NRXN3: variants seen among roughly 807,000 people sequenced by gnomAD.
NRXN3 encodes neurexin 3.
NRXN3 carries 32 observed loss-of-function variants against 137.6 expected under a neutral mutation model. The ratio of observed to expected loss-of-function variants is 0.23; its 90% CI spans 0.18 to 0.31. The LOEUF is 0.31. NRXN3 is among the 10% of genes least tolerant of loss of function. The pLI is 1.00. For synonymous variants in NRXN3, 798 were observed against 784.5 expected (o/e 1.02, Z -0.29); for missense variants, 1,574 against 2,062.5 (o/e 0.76, Z 4.59).
intron 4 of NRXN3, among the ~76,000 whole-genome samples, chr14:78,625,129 C>T (rs149419303): frequency 0.01 from 1,593 of 152,286 alleles, 32 homozygotes; most frequent in African/African-American, 0.037. Flanking sequence ...CGTGAGCCAC[C>T]GCACCTGGTC....
At chr14:79,259,709 T>TACAC (rs71131688) in intron 15 of NRXN3, among the ~76,000 whole-genome samples, 6,324 of 139,672 alleles carry the variant, frequency 0.045, 141 homozygotes, top group African/African-American at 0.071. Context: ...TATAGTTTTA[T>TACAC]ACACACACAC....
At chr14:79,255,627 T>A (rs1262037741) in intron 15 of NRXN3, among the ~76,000 whole-genome samples, 2 of 152,264 alleles carry the variant, frequency 1.3e-5, no homozygotes, top group Non-Finnish European at 2.9e-5. Flanking sequence ...AAAATTAATG[T>A]TAATTATCAT....
intron 15 of NRXN3, among the ~76,000 whole-genome samples, chr14:79,315,026 A>G (rs557598132): frequency 6.6e-6 from 1 of 152,320 alleles, no homozygotes; most frequent in African/African-American, 2.4e-5. Context: ...GGCTGCCACT[A>G]CAGCCTGATT....
At chr14:79,819,437 C>CA (rs762035912) in intron 20 of NRXN3, among the ~76,000 whole-genome samples, 9 of 146,978 alleles carry the variant, frequency 6.1e-5, no homozygotes, top group African/African-American at 7.5e-5. Context: ...TTGAGTTCTC[C>CA]ACTAAGTACA....
chr14:79,562,637 C>T (rs2097509899), intron 16 of NRXN3, among the ~76,000 whole-genome samples: 1 of 152,136 alleles, frequency 6.6e-6, no homozygotes, highest in African/African-American at 2.4e-5. Context: ...ACTTTGAAGT[C>T]CCACTGATTT....
intron 20 of NRXN3, among the ~76,000 whole-genome samples, chr14:79,810,876 C>G (rs1165765719): frequency 6.6e-6 from 1 of 152,050 alleles, no homozygotes; most frequent in East Asian, 1.9e-4. Context: ...AAGTTTATAC[C>G]AGAATTTATA....
In NRXN3 at chr14:78,316,398, C is replaced by G. The variant is rs146865955; in HGVS notation, c.757+18538C>G. Among the ~76,000 whole-genome samples, 3 of 152,166 alleles carry G rather than the reference C, an allele frequency of 2.0e-5. No individual in the cohort carries two copies. The East Asian group carries it at 5.8e-4, about 29-fold the overall frequency. ...AAGGAAAGAAAGAGGAATTAAAGAC[C>G]TATATAATAAGATATTTTGGGGTTA... On this transcript the variant is annotated intron_variant, in intron 4 of 20. Transcript: ENST00000335750.
intron 10 of NRXN3, among the ~76,000 whole-genome samples, chr14:78,887,503 G>A (rs1423133811): frequency 3.9e-5 from 6 of 152,012 alleles, no homozygotes; most frequent in African/African-American, 1.4e-4. Context: ...GGTGAGGCTG[G>A]ACTCAAACAT....
chr14:78,524,861 C>T (rs138174831), intron 4 of NRXN3, among the ~76,000 whole-genome samples: 44 of 152,084 alleles, frequency 2.9e-4, no homozygotes, highest in African/African-American at 1.0e-3. Flanking sequence ...AGATGGTGGG[C>T]AAGGATCATG....
intron 19 of NRXN3, among the ~76,000 whole-genome samples, chr14:79,781,295 T>G (rs2099113009): frequency 6.6e-6 from 1 of 152,126 alleles, no homozygotes; most frequent in African/African-American, 2.4e-5. Flanking sequence ...AAAATATATT[T>G]TGTGAAGAAT....
intron 15 of NRXN3, among the ~76,000 whole-genome samples, chr14:79,297,186 A>G (rs2084327302): frequency 6.6e-6 from 1 of 151,650 alleles, no homozygotes. Context: ...ACCTTCTAGA[A>G]CTCTCTCCTG....
chr14:78,737,739 T>C lies in NRXN3; in HGVS notation c.2044+22600T>C, dbSNP rs543404884. 3.9e-5 allele frequency among the ~76,000 whole-genome samples: 6 copies of C among 152,250 alleles called. No homozygotes were observed. In the South Asian group the frequency reaches 6.2e-4, roughly 16 times the overall value. On this transcript the variant is annotated intron_variant, in intron 8 of 20. Transcript: ENST00000335750. ...ACTCTCTTTCTATTCAAGAGCAGCA[T>C]GTGTCTCCTGAGGAGGGGGAGCATT...
intron 15 of NRXN3, among the ~76,000 whole-genome samples, chr14:79,443,899 G>A (rs2096010542): frequency 6.6e-6 from 1 of 152,158 alleles, no homozygotes; most frequent in Non-Finnish European, 1.5e-5. Context: ...AAGTGAAAAG[G>A]ATTAACATAT....
chr14:79,599,480 T>C (rs1447151444), intron 16 of NRXN3, among the ~76,000 whole-genome samples: 4 of 151,912 alleles, frequency 2.6e-5, no homozygotes, highest in African/African-American at 9.7e-5. Context: ...TCATAAATGT[T>C]ACACCCCAAC....
intron 10 of NRXN3, among the ~76,000 whole-genome samples, chr14:78,866,964 A>C (rs2152551918): frequency 6.6e-6 from 1 of 151,750 alleles, no homozygotes; most frequent in South Asian, 2.1e-4. Flanking sequence ...TGCCCGGCTA[A>C]TTTTTTGTAT....
intron 15 of NRXN3, among the ~76,000 whole-genome samples, chr14:79,144,005 A>G (rs1280843055): frequency 6.6e-6 from 1 of 152,196 alleles, no homozygotes; most frequent in African/African-American, 2.4e-5. Flanking sequence ...AAGATAGAAT[A>G]ATGTTTACCT....
At chr14:79,319,653 T>C (rs1457583563) in intron 15 of NRXN3, among the ~76,000 whole-genome samples, 2 of 152,224 alleles carry the variant, frequency 1.3e-5, no homozygotes, top group South Asian at 4.1e-4. Context: ...ACTGGTGATA[T>C]AGAGCCTTTC....
At chr14:79,747,572 C>T (rs2098983468) in intron 19 of NRXN3, among the ~76,000 whole-genome samples, 1 of 152,020 alleles carries the variant, frequency 6.6e-6, no homozygotes, top group African/African-American at 2.4e-5. Flanking sequence ...AGGACAAGGA[C>T]TGATCTACTA....
intron 15 of NRXN3, among the ~76,000 whole-genome samples, chr14:79,122,681 A>G (rs1228947155): frequency 1.3e-5 from 2 of 152,210 alleles, no homozygotes; most frequent in Admixed American, 6.5e-5. Flanking sequence ...AGCCCTGCCA[A>G]TTATTAGCTG....
Sources: allele counts gnomAD v4.1 joint callset (sites outside exome capture counted in the v4.1 genomes callset), GRCh38; gene constraint gnomAD v4.1.1; transcripts MANE v1.5; gene names NCBI Gene and HGNC (gene_info 2026-07-23, HGNC 2026-07-21).